The following DPH1 variants were observed in gnomAD, a reference collection of about 807,000 sequenced individuals.
DPH1 encodes diphthamide biosynthesis 1.
DPH1 carries 59 observed loss-of-function variants against 55.3 expected under a neutral mutation model. The ratio of observed to expected loss-of-function variants is 1.07; its 90% CI spans 0.87 to 1.33. The LOEUF (loss-of-function observed/expected upper bound fraction) is 1.33, where lower values mean the gene tolerates loss of function less well. Ranked by LOEUF, DPH1 falls within the 40% of genes most tolerant of loss-of-function variation. The pLI is 0.00. For missense variants in DPH1, 628 were observed against 584.8 expected (o/e 1.07, Z -0.76); for synonymous variants, 238 against 235.5 (o/e 1.01, Z -0.10).
intron 6 of DPH1, among the ~76,000 whole-genome samples, chr17:2,037,875 C>T (rs1373753957): frequency 6.6e-6 from 1 of 152,216 alleles, no homozygotes; most frequent in Non-Finnish European, 1.5e-5. Context: ...AGTTTCTTAA[C>T]ATCCCTGAGC....
At chr17:2,038,529 C>A (rs2067460873) in intron 6 of DPH1, among the ~76,000 whole-genome samples, 1 of 152,172 alleles carries the variant, frequency 6.6e-6, no homozygotes. Flanking sequence ...CACCTGAGCT[C>A]CGCCTCCTGT....
chr17:2,033,435 G>A (rs1386808924), intron 1 of DPH1, 70 bp from the exon 2 acceptor site: 1 of 1,608,886 alleles, frequency 6.2e-7, no homozygotes, highest in African/African-American at 1.3e-5. Context: ...CCTGAAAAGG[G>A]ATCCCTATTC....
At chr17:2,040,721 T>G in intron 9 of DPH1, 116 bp downstream of exon 9, 1 of 1,227,580 alleles carries the variant, frequency 8.1e-7, no homozygotes, top group South Asian at 1.3e-5. Flanking sequence ...AATTTTACTG[T>G]TTACAGAGAC....
At chr17:2,032,892 C>T (rs962990402) in intron 1 of DPH1, among the ~76,000 whole-genome samples, 21 of 152,198 alleles carry the variant, frequency 1.4e-4, no homozygotes, top group East Asian at 1.9e-4. Flanking sequence ...CCACCAGGCC[C>T]GGCTAATTTT....
chr17:2,035,468 G>A (rs62066909), intron 3 of DPH1, among the ~76,000 whole-genome samples: 938 of 14,088 alleles, frequency 0.067, 10 homozygotes, highest in African/African-American at 0.12. Context: ...GTGGGGGTCC[G>A]GGTGAGGGGG....
intron 11 of DPH1, 27 bp downstream of exon 11, chr17:2,041,648 A>G (rs1597288790): frequency 6.3e-7 from 1 of 1,594,474 alleles, no homozygotes; most frequent in Non-Finnish European, 8.5e-7. Context: ...AGGAGGGAGG[A>G]GAGACCGCGC....
chr17:2,042,110 C>A, intron 12 of DPH1: 1 of 1,568,714 alleles, frequency 6.4e-7, no homozygotes, highest in African/African-American at 1.4e-5. Context: ...GCGAGCGGGG[C>A]TTCCGTGAGA....
At position 2,040,498 on chromosome 17, in the gene DPH1, C is replaced by G. The variant is rs1216036842; in HGVS notation, c.907-7C>G. ...GTGACCCCCACCCTGCCTCCCTCTCCCAACAGCACCTGGAATCTCGACTCC... is the reference window on the plus strand; with the variant it reads ...GTGACCCCCACCCTGCCTCCCTCTCGCAACAGCACCTGGAATCTCGACTCC... On this transcript the variant is annotated splice_region_variant and splice_polypyrimidine_tract_variant and intron_variant, in intron 8 of 12. Coordinates refer to ENST00000263083, the MANE Select transcript of DPH1 (RefSeq NM_001383.6). The G allele has an allele frequency of 3.1e-6, 5 of 1,614,066 alleles. No homozygotes were observed. Among genetic ancestry groups the G allele is most frequent in the African/African-American group, 2.7e-5 (2 of 74,950 alleles).
At chr17:2,038,546 C>T (rs886967351) in intron 6 of DPH1, among the ~76,000 whole-genome samples, 4 of 152,140 alleles carry the variant, frequency 2.6e-5, no homozygotes, top group African/African-American at 4.8e-5. Context: ...CTGTCAGATC[C>T]GCCGCGGCAT....
At chr17:2,038,483 A>G (rs1240577671) in intron 6 of DPH1, among the ~76,000 whole-genome samples, 2 of 152,154 alleles carry the variant, frequency 1.3e-5, no homozygotes, top group African/African-American at 2.4e-5. Context: ...AACCTGCCGC[A>G]CAGTAGAAGG....
chr17:2,033,176 G>GT (rs2067354258), intron 1 of DPH1, among the ~76,000 whole-genome samples: 1 of 152,180 alleles, frequency 6.6e-6, no homozygotes, highest in African/African-American at 2.4e-5. Context: ...TTTTCACCTG[G>GT]TGGGGGGGTG....
intron 1 of DPH1, among the ~76,000 whole-genome samples, chr17:2,032,361 G>C (rs2067342644): frequency 6.6e-6 from 1 of 152,146 alleles, no homozygotes; most frequent in Non-Finnish European, 1.5e-5. Flanking sequence ...GTTCTCCTGA[G>C]GAAGAAGGTG....
intron 10 of DPH1, 111 bp from the exon 11 acceptor site, chr17:2,041,370 C>T: frequency 6.7e-7 from 1 of 1,499,110 alleles, no homozygotes; most frequent in Non-Finnish European, 9.0e-7. Context: ...CAGTTCCCTT[C>T]TGTGGCAGGG....
At chr17:2,035,865 G>A (rs911366556) in intron 3 of DPH1, 105 bp from the exon 4 acceptor site, 1 of 1,526,810 alleles carries the variant, frequency 6.5e-7, no homozygotes, top group African/African-American at 1.4e-5. Context: ...ACTGGGAGAG[G>A]TAGGGAGAGA....
chr17:2,040,381 G>T lies in DPH1; in HGVS notation c.906+7G>T, dbSNP rs558227596. On this transcript the variant is annotated splice_region_variant and intron_variant, in intron 8 of 12. Coordinates refer to ENST00000263083, the MANE Select transcript of DPH1 (RefSeq NM_001383.6). ...CAGTCCTAAGATCCTGGAGGTCAGT[G>T]GGCTCAGGACAGCCTCTGGAGGAGG... The T allele has an allele frequency of 6.2e-7, 1 of 1,613,920 alleles. No homozygotes were observed. The highest frequency in any genetic ancestry group is 1.1e-5 in the South Asian group (1 of 91,084).
intron 12 of DPH1, chr17:2,042,291 C>G: frequency 7.2e-7 from 1 of 1,397,560 alleles, no homozygotes; most frequent in Non-Finnish European, 9.2e-7. Context: ...TCGTCCCCCT[C>G]GACACCCTTC....
chr17:2,042,493 C>T (rs1335131482), intron 12 of DPH1, 112 bp from the exon 13 acceptor site: 3 of 1,425,868 alleles, frequency 2.1e-6, no homozygotes, highest in African/African-American at 3.0e-5. Flanking sequence ...AGACTTTTGC[C>T]TCGATTCCCT....
In DPH1 at chr17:2,042,178, GCCCGCACCCGGTC is replaced by G. The variant is rs757304195; in HGVS notation, c.*18+308_*18+320del. On this transcript the variant is annotated intron_variant, in intron 12 of 12. Transcript: ENST00000263083. Reference sequence around the variant, plus strand: ...CGCGCCGAGCTCGTGTGCCTCAGCGGCCCGCACCCGGTCCCCGACCCCCCGGGCCCCGAGGGCG... The same window carrying G: ...CGCGCCGAGCTCGTGTGCCTCAGCGGCCCGACCCCCCGGGCCCCGAGGGCG... 1.0e-5 allele frequency: 15 copies of G among 1,451,576 alleles called. No homozygotes were observed. The East Asian group carries it at 3.5e-4, about 34-fold the overall frequency. 89.9% of individuals were successfully genotyped at this position (1,451,576 alleles called of 1,614,324 possible). A position where few individuals can be genotyped will look rare whatever the true frequency, so the allele number is the denominator to read the frequency against.
chr17:2,032,346 C>A (rs1351899027), intron 1 of DPH1, among the ~76,000 whole-genome samples: 1 of 152,152 alleles, frequency 6.6e-6, no homozygotes, highest in South Asian at 2.1e-4. Context: ...CCTGGTGTCA[C>A]CTCTGTTCTC....
Sources: allele counts gnomAD v4.1 joint callset (sites outside exome capture counted in the v4.1 genomes callset), GRCh38; gene constraint gnomAD v4.1.1; transcripts MANE v1.5; gene names NCBI Gene and HGNC (gene_info 2026-07-23, HGNC 2026-07-21).